The following CNTNAP2 variants were observed in gnomAD, a reference collection of about 807,000 sequenced individuals.
CNTNAP2 encodes contactin associated protein 2.
In CNTNAP2, 98 loss-of-function variants were observed where a neutral mutation model predicts 155.2. That is an observed-to-expected ratio of 0.63 (90% CI 0.54 to 0.75). The LOEUF is 0.75. CNTNAP2 is among the 30% of genes least tolerant of loss of function. The pLI, the probability that CNTNAP2 is intolerant of heterozygous loss-of-function variation, is 0.00. For missense variants in CNTNAP2, 1,727 were observed against 1,688.1 expected (o/e 1.02, Z -0.40); for synonymous variants, 651 against 631.2 (o/e 1.03, Z -0.47).
intron 1 of CNTNAP2, among the ~76,000 whole-genome samples, chr7:146,183,387 C>A (rs1176663913): frequency 6.6e-6 from 1 of 152,046 alleles, no homozygotes; most frequent in Non-Finnish European, 1.5e-5. Flanking sequence ...ATACCTGGAA[C>A]TTTCATGGCC....
At chr7:147,907,616 G>A (rs1799986455) in intron 14 of CNTNAP2, among the ~76,000 whole-genome samples, 2 of 151,938 alleles carry the variant, frequency 1.3e-5, no homozygotes, top group Non-Finnish European at 2.9e-5. Flanking sequence ...TGCCACTTTT[G>A]GGGGAGGCTT....
Position 147,615,351 on chromosome 7 carries a change from C to T in CNTNAP2, c.1898-23755C>T, listed in dbSNP as rs1428208378. On this transcript the variant is annotated intron_variant, in intron 12 of 23. Transcript: ENST00000361727. ...AAAAAATTGGCCAGGCATTGTGGTTCATGCCTGTAATCCCAGCACGTTGGG... is the reference window on the plus strand; with the variant it reads ...AAAAAATTGGCCAGGCATTGTGGTTTATGCCTGTAATCCCAGCACGTTGGG... 2.1e-5 allele frequency among the ~76,000 whole-genome samples: 3 copies of T among 139,548 alleles called. No homozygotes were observed. In the East Asian group the frequency reaches 7.0e-4, roughly 33 times the overall value. 91.5% of individuals were successfully genotyped at this position (139,548 alleles called of 152,430 possible).
intron 15 of CNTNAP2, among the ~76,000 whole-genome samples, chr7:147,987,593 C>G (rs1801640953): frequency 1.3e-5 from 2 of 152,164 alleles, no homozygotes; most frequent in African/African-American, 4.8e-5. Context: ...TATGAGTGAC[C>G]ATGGCCCATG....
At chr7:146,832,994 C>T (rs1215806079) in intron 2 of CNTNAP2, among the ~76,000 whole-genome samples, 4 of 152,092 alleles carry the variant, frequency 2.6e-5, no homozygotes, top group Non-Finnish European at 4.4e-5. Context: ...CCATGCCCAG[C>T]TTAGCTCACT....
At chr7:147,068,599 C>T (rs1044597050) in intron 4 of CNTNAP2, among the ~76,000 whole-genome samples, 27 of 152,118 alleles carry the variant, frequency 1.8e-4, no homozygotes, top group African/African-American at 3.9e-4. Flanking sequence ...ACTCGTGATC[C>T]GCCAACCTCA....
At chr7:147,989,658 C>T (rs1801676950) in intron 15 of CNTNAP2, among the ~76,000 whole-genome samples, 1 of 152,194 alleles carries the variant, frequency 6.6e-6, no homozygotes, top group Non-Finnish European at 1.5e-5. Context: ...TTAGCTTCTC[C>T]TAATTTGGAG....
At chr7:148,251,252 G>A (rs573862345) in intron 20 of CNTNAP2, among the ~76,000 whole-genome samples, 1 of 152,154 alleles carries the variant, frequency 6.6e-6, no homozygotes, top group Non-Finnish European at 1.5e-5. Context: ...TTGCTAGAAT[G>A]ATTTGCAGAA....
chr7:146,715,183 T>C (rs965020758), intron 1 of CNTNAP2, among the ~76,000 whole-genome samples: 5 of 152,054 alleles, frequency 3.3e-5, no homozygotes, highest in Non-Finnish European at 5.9e-5. Flanking sequence ...ATACAAAAAT[T>C]ACCCGGTTGT....
chr7:146,705,010 C>T (rs1585049865), intron 1 of CNTNAP2, among the ~76,000 whole-genome samples: 1 of 152,244 alleles, frequency 6.6e-6, no homozygotes, highest in Middle Eastern at 3.4e-3. Context: ...TGTCTCTCAG[C>T]TGAGAGAAGC....
In CNTNAP2 at chr7:148,229,636, T is replaced by C. The variant is rs999378427; in HGVS notation, c.3248-10T>C. The C allele has an allele frequency of 1.9e-6, 3 of 1,614,002 alleles. No homozygotes were observed. Among genetic ancestry groups the C allele is most frequent in the African/African-American group, 2.7e-5 (2 of 74,938 alleles). ...AAACAAATTACTGAGCTTTCTTTTT[T>C]CTTCTATAGGAAGCTTACAGATTCG... On this transcript the variant is annotated splice_polypyrimidine_tract_variant and intron_variant, in intron 19 of 23. Transcript: ENST00000361727.
chr7:146,970,959 T>G (rs10224484), intron 3 of CNTNAP2, among the ~76,000 whole-genome samples: 11 of 151,696 alleles, frequency 7.3e-5, no homozygotes, highest in Non-Finnish European at 1.6e-4. Flanking sequence ...ACTATAGCAA[T>G]AACAAAAAAC....
intron 13 of CNTNAP2, among the ~76,000 whole-genome samples, chr7:147,690,242 C>A (rs1034062586): frequency 2.0e-5 from 3 of 152,148 alleles, no homozygotes; most frequent in African/African-American, 7.2e-5. Flanking sequence ...CCCTGTCCAC[C>A]AGGCAAACTG....
In CNTNAP2 at chr7:147,855,549, G is replaced by T. The variant is rs185984410; in HGVS notation, c.2099-48016G>T. Among the ~76,000 whole-genome samples the T allele has an allele frequency of 4.9e-3, 740 of 151,866 alleles. 1 individual carries two copies. Among genetic ancestry groups the T allele is most frequent in the Middle Eastern group, 0.037 (11 of 294 alleles). On this transcript the variant is annotated intron_variant, in intron 13 of 23. Coordinates refer to ENST00000361727, the MANE Select transcript of CNTNAP2 (RefSeq NM_014141.6). ...CACCTATAATCCCAGCACTTTGGGA[G>T]GCCAAAGTGGACAGATCACGTGAGA... is the stretch of plus-strand genomic sequence containing the variant.
chr7:147,343,695 G>A (rs1446133979), intron 9 of CNTNAP2, among the ~76,000 whole-genome samples: 1 of 152,052 alleles, frequency 6.6e-6, no homozygotes, highest in Non-Finnish European at 1.5e-5. Context: ...ACTGATCTTG[G>A]ACCTGATTCT....
At chr7:147,796,295 A>T (rs1283985948) in intron 13 of CNTNAP2, among the ~76,000 whole-genome samples, 1 of 152,208 alleles carries the variant, frequency 6.6e-6, no homozygotes, top group African/African-American at 2.4e-5. Flanking sequence ...AAAACACAGG[A>T]GACCCGCTCT....
intron 1 of CNTNAP2, among the ~76,000 whole-genome samples, chr7:146,669,676 A>G (rs2129167757): frequency 6.6e-6 from 1 of 152,332 alleles, no homozygotes; most frequent in African/African-American, 2.4e-5. Context: ...TATGGATCAC[A>G]CTTCAAAAGT....
At chr7:146,676,960 T>G (rs1800409014) in intron 1 of CNTNAP2, among the ~76,000 whole-genome samples, 1 of 152,156 alleles carries the variant, frequency 6.6e-6, no homozygotes, top group Non-Finnish European at 1.5e-5. Flanking sequence ...CTAAAAAGTA[T>G]CCAAGACAAG....
chr7:148,222,545 T>TGAATGGATCATTCCATGAATCTAC (rs1455085179), intron 19 of CNTNAP2, among the ~76,000 whole-genome samples: 4 of 151,378 alleles, frequency 2.6e-5, no homozygotes, highest in Middle Eastern at 6.8e-3. Flanking sequence ...CATGAATCGA[T>TGAATGGATCATTCCATGAATCTAC]GAATGGATCA....
At chr7:146,569,174 G>T (rs995903076) in intron 1 of CNTNAP2, among the ~76,000 whole-genome samples, 1 of 151,894 alleles carries the variant, frequency 6.6e-6, no homozygotes, top group Non-Finnish European at 1.5e-5. Flanking sequence ...CCACCACCAC[G>T]CCCGGCTAAT....
Sources: gnomAD v4.1 joint callset for allele counts (sites outside exome capture counted in the v4.1 genomes callset) on GRCh38, gnomAD v4.1.1 for gene constraint, MANE v1.5 for transcripts, NCBI Gene and HGNC (gene_info 2026-07-23, HGNC 2026-07-21) for gene names.